The following DMXL1 variants were observed in gnomAD, a reference collection of about 807,000 sequenced individuals.
The protein encoded by DMXL1 is Dmx like 1, also known as dmX-like protein 1.
DMXL1 carries 99 observed loss-of-function variants against 319.2 expected under a neutral mutation model. The ratio of observed to expected loss-of-function variants is 0.31; its 90% CI spans 0.26 to 0.37. DMXL1 has a LOEUF of 0.37. DMXL1 is among the 10% of genes least tolerant of loss of function. The pLI, the probability that DMXL1 is intolerant of heterozygous loss-of-function variation, is 1.00. For synonymous variants in DMXL1, 1,385 were observed against 1,235.2 expected (o/e 1.12, Z -2.54); for missense variants, 3,745 against 3,595.6 (o/e 1.04, Z -1.06).
intron 1 of DMXL1, among the ~76,000 whole-genome samples, chr5:119,077,652 GTA>G (rs1289685772): frequency 3.2e-5 from 2 of 63,020 alleles, no homozygotes; most frequent in Admixed American, 1.8e-4. Flanking sequence ...TTTTTTTTTT[GTA>G]TATGTGTGTG....
intron 23 of DMXL1, among the ~76,000 whole-genome samples, chr5:119,169,159 T>A (rs1252526692): frequency 6.6e-6 from 1 of 152,186 alleles, no homozygotes; most frequent in Non-Finnish European, 1.5e-5. Context: ...ATTACAGGCA[T>A]GAGCCACCAC....
Position 119,237,375 on chromosome 5 carries a change from A to C in DMXL1, c.8520A>C (p.Lys2840Asn), listed in dbSNP as rs756428173. 6.2e-7 allele frequency: 1 copy of C among 1,605,144 alleles called. No homozygotes were observed. Among genetic ancestry groups the C allele is most frequent in the Non-Finnish European group, 8.5e-7 (1 of 1,174,300 alleles). ...GYLSLYQTNW[K>N]CCPVTGSMPK... is the part of the protein sequence containing the mutation. ...TAAGTTTGTATCAAACAAACTGGAAATGTTGTCCAGTTACTGGAAGCATGC... is the reference window on the plus strand; with the variant it reads ...TAAGTTTGTATCAAACAAACTGGAACTGTTGTCCAGTTACTGGAAGCATGC... The change falls in exon 40 of 44, where the codon AAA becomes AAC. Residue 2840 changes from lysine (K) to asparagine (N), a missense_variant. Physicochemically the swap from Lys to Asn is moderately conservative, Grantham distance 94 (BLOSUM62 0). Coordinates refer to ENST00000539542, the MANE Select transcript of DMXL1 (RefSeq NM_001290321.3).
chr5:119,133,544 C>T lies in DMXL1; in HGVS notation c.1620C>T (p.Asn540=), dbSNP rs762157938. The T allele has an allele frequency of 3.1e-6, 5 of 1,613,008 alleles. No individual in the cohort carries two copies. In the African/African-American group the frequency reaches 5.3e-5, roughly 17 times the overall value. ...TAGCTTTCCCCACAGGTGATGCAAA[C>T]TCTCTCTGTAAAAGCATAATGATGT... ...IPVAFPTGDA[N]SLCKSIMMYA... is the part of the protein sequence containing the mutation. The change falls in exon 12 of 44, where the codon AAC becomes AAT. Residue 540 remains asparagine (N), a synonymous_variant. Coordinates refer to ENST00000539542, the MANE Select transcript of DMXL1 (RefSeq NM_001290321.3).
intron 1 of DMXL1, among the ~76,000 whole-genome samples, chr5:119,077,751 TTAAG>T (rs1751267076): frequency 1.3e-5 from 1 of 78,252 alleles, no homozygotes. Context: ...CATTTATTTT[TTAAG>T]TGTGTGTGTG....
chr5:119,116,973 A>T (rs545966533), intron 7 of DMXL1, among the ~76,000 whole-genome samples: 2 of 151,696 alleles, frequency 1.3e-5, no homozygotes, highest in African/African-American at 2.4e-5. Context: ...GGTTATAGAG[A>T]CCTATTACTT....
intron 37 of DMXL1, among the ~76,000 whole-genome samples, chr5:119,223,518 C>G (rs1385345759): frequency 6.6e-6 from 1 of 152,102 alleles, no homozygotes; most frequent in Non-Finnish European, 1.5e-5. Flanking sequence ...CAGAAATCTA[C>G]CATAGGCATA....
intron 35 of DMXL1, among the ~76,000 whole-genome samples, chr5:119,218,922 T>G (rs760170699): frequency 6.6e-6 from 1 of 152,224 alleles, no homozygotes; most frequent in Non-Finnish European, 1.5e-5. Context: ...TACCTTAAAT[T>G]AAAACTAACA....
intron 8 of DMXL1, among the ~76,000 whole-genome samples, chr5:119,120,640 A>C (rs1171642439): frequency 6.6e-6 from 1 of 152,260 alleles, no homozygotes; most frequent in Non-Finnish European, 1.5e-5. Context: ...TATCAGTCAC[A>C]AACAATAGTA....
intron 28 of DMXL1, 198 bp downstream of exon 28, chr5:119,178,442 A>G (rs1038355433): frequency 3.3e-5 from 12 of 363,308 alleles, no homozygotes; most frequent in African/African-American, 1.5e-4. Context: ...ATATTCCTGT[A>G]CCAATAATTA....
chr5:119,125,126 GTCT>G (rs1408603263), intron 9 of DMXL1, among the ~76,000 whole-genome samples: 1 of 152,278 alleles, frequency 6.6e-6, no homozygotes, highest in South Asian at 2.1e-4. Flanking sequence ...TATGTTGGAA[GTCT>G]TCTTTTACAT....
intron 28 of DMXL1, among the ~76,000 whole-genome samples, chr5:119,189,151 A>G (rs958813054): frequency 2.4e-4 from 36 of 152,192 alleles, no homozygotes; most frequent in Non-Finnish European, 4.4e-4. Context: ...ACAAAATTGC[A>G]TTATTTTCTT....
chr5:119,153,091 C>T (rs1250825084), intron 19 of DMXL1, among the ~76,000 whole-genome samples: 1 of 152,044 alleles, frequency 6.6e-6, no homozygotes. Flanking sequence ...ATTCTCCTGC[C>T]TCAGCCTCTC....
intron 9 of DMXL1, 32 bp from the exon 10 acceptor site, chr5:119,129,179 A>T: frequency 7.0e-7 from 1 of 1,424,118 alleles, no homozygotes; most frequent in Middle Eastern, 2.0e-4. Context: ...AGAAGGTAAA[A>T]ATTTTAATTT....
intron 19 of DMXL1, among the ~76,000 whole-genome samples, chr5:119,159,470 A>G (rs1343646339): frequency 6.6e-6 from 1 of 151,954 alleles, no homozygotes; most frequent in Non-Finnish European, 1.5e-5. Context: ...ATTTTTTCAT[A>G]TTTCAGTTCT....
chr5:119,089,285 T>TAC (rs1754100472), intron 1 of DMXL1, among the ~76,000 whole-genome samples: 3 of 31,272 alleles, frequency 9.6e-5, no homozygotes, highest in African/African-American at 3.1e-4. Context: ...TACATATATA[T>TAC]ATATATATTT....
intron 19 of DMXL1, among the ~76,000 whole-genome samples, chr5:119,159,008 C>G (rs1771683146): frequency 6.6e-6 from 1 of 152,056 alleles, no homozygotes; most frequent in Non-Finnish European, 1.5e-5. Context: ...AGGAACTTTT[C>G]TTTCCTTTCT....
chr5:119,116,176 G>T lies in DMXL1; in HGVS notation c.583G>T (p.Val195Phe). 1 of 1,611,058 alleles carries T rather than the reference G, an allele frequency of 6.2e-7. No individual in the cohort carries two copies. Among genetic ancestry groups the T allele is most frequent in the Non-Finnish European group, 8.5e-7 (1 of 1,178,248 alleles). The stretch of plus-strand genomic sequence containing the variant: ...TCCTTAGGATGACTGTCTTTTGAAG[G>T]TTTGGTATAATGTAGAAAACTGGCG... ...TAGKDDCLLK[V>F]WYNVENWRTA... is the part of the protein sequence containing the mutation. Residue 195 changes from valine (V) to phenylalanine (F), a missense_variant, in exon 7 of 44, where the codon GTT (valine) becomes TTT (phenylalanine). By Grantham distance (50) the Val-to-Phe change is conservative. Around this residue, in one of 4 missense-constraint regions of DMXL1, gnomAD observed 2,096 missense variants for 1,985.4 expected, o/e 1.06. Coordinates refer to ENST00000539542, the MANE Select transcript of DMXL1 (RefSeq NM_001290321.3).
rs570951271 is a variant in DMXL1, at chr5:119,119,127, A to C, written c.933+123A>C. 4.0e-4 allele frequency: 257 copies of C among 637,708 alleles called. 1 individual carries two copies. Among genetic ancestry groups the C allele is most frequent in the Middle Eastern group, 3.7e-3 (8 of 2,170 alleles). The allele number at this position is 637,708 out of a possible 1,614,324, so 39.5% of individuals were successfully genotyped here. A position where few individuals can be genotyped will look rare whatever the true frequency, so the allele number is the denominator to read the frequency against. On this transcript the variant is annotated intron_variant, in intron 8 of 43. Transcript: ENST00000539542. ...GGAAAATAATTCTTAGAAAATTTTC[A>C]GTTCTATTTGGTTCAAAAAACATAT...
intron 37 of DMXL1, among the ~76,000 whole-genome samples, chr5:119,222,451 A>C (rs1311653789): frequency 6.6e-6 from 1 of 152,224 alleles, no homozygotes; most frequent in East Asian, 1.9e-4. Context: ...GTTACAATTC[A>C]TTGGTAAAAC....
Sources: gnomAD v4.1 joint callset for allele counts (sites outside exome capture counted in the v4.1 genomes callset) on GRCh38, gnomAD v4.1.1 for gene constraint, gnomAD v4.1.1 regional missense constraint, MANE v1.5 for transcripts, NCBI Gene and HGNC (gene_info 2026-07-23, HGNC 2026-07-21) for gene names.